TTC39C: variants seen among roughly 807,000 people sequenced by gnomAD.
TTC39C encodes tetratricopeptide repeat domain 39C.
In TTC39C, 33 loss-of-function variants were observed where a neutral mutation model predicts 76.3. The ratio of observed to expected loss-of-function variants is 0.43; its 90% CI spans 0.33 to 0.58. The LOEUF (loss-of-function observed/expected upper bound fraction) is 0.58. Ranked by LOEUF, TTC39C falls within the 20% of genes least tolerant of loss-of-function variation. TTC39C has a pLI of 0.04. For synonymous variants in TTC39C, 254 were observed against 260.6 expected (o/e 0.97, Z 0.24); for missense variants, 595 against 701.4 (o/e 0.85, Z 1.71).
At chr18:24,093,092 T>C (rs1222889709) in intron 6 of TTC39C, among the ~76,000 whole-genome samples, 1 of 152,246 alleles carries the variant, frequency 6.6e-6, no homozygotes, top group East Asian at 1.9e-4. Flanking sequence ...ATAGCTATAA[T>C]ATTACTCTAT....
chr18:24,070,117 G>A (rs1306104631), intron 4 of TTC39C, among the ~76,000 whole-genome samples: 3 of 151,730 alleles, frequency 2.0e-5, no homozygotes, highest in Non-Finnish European at 2.9e-5. Context: ...CCTTTTTCTT[G>A]TTTCTCTTGC....
chr18:24,041,374 C>G (rs2083790175), intron 1 of TTC39C, among the ~76,000 whole-genome samples: 1 of 152,186 alleles, frequency 6.6e-6, no homozygotes, highest in Non-Finnish European at 1.5e-5. Context: ...CACCTTGCAG[C>G]AAGCTTGTGT....
At chr18:24,008,715 T>C (rs1370404883) in intron 1 of TTC39C, among the ~76,000 whole-genome samples, 1 of 152,188 alleles carries the variant, frequency 6.6e-6, no homozygotes, top group South Asian at 2.1e-4. Context: ...CGTTCTGTCA[T>C]AAAGACGCAT....
chr18:24,048,440 C>A (rs1287516850), intron 1 of TTC39C, among the ~76,000 whole-genome samples: 1 of 152,158 alleles, frequency 6.6e-6, no homozygotes, highest in Non-Finnish European at 1.5e-5. Flanking sequence ...TTATGCCCTG[C>A]CTTTTTTTGC....
rs1044972521 is a variant in TTC39C, at chr18:24,066,032, G to A, written c.237G>A (p.Glu79=). The change falls in exon 3 of 14, where the codon GAG becomes GAA. Residue 79 remains glutamate (E), a synonymous_variant. Coordinates refer to ENST00000317571, the MANE Select transcript of TTC39C (RefSeq NM_001135993.2). ...VSFLNAMMTF[E]EEKMQLACDD... ...GGAAGAATGCCATGATGACATTTGAGGAAGAAAAAATGCAGTTGGCATGTG... is the reference window on the plus strand; with the variant it reads ...GGAAGAATGCCATGATGACATTTGAAGAAGAAAAAATGCAGTTGGCATGTG... 5 of 1,590,818 alleles carry A rather than the reference G, an allele frequency of 3.1e-6. No individual in the cohort carries two copies. Among genetic ancestry groups the A allele is most frequent in the East Asian group, 4.6e-5 (2 of 43,092 alleles).
At position 24,128,977 on chromosome 18, in the gene TTC39C, T is replaced by C; in HGVS notation, c.1512T>C (p.Ala504=). Residue 504 remains alanine (A), a synonymous_variant, in exon 11 of 14, where the codon GCT becomes GCC. Transcript: ENST00000317571. ...IHKCLGNSED[A]VQYFQRAVKD... is the part of the protein sequence containing the mutation. Reference sequence around the variant, plus strand: ...AATGTCTAGGAAACTCAGAAGATGCTGTTCAGGTAAACTGTTAATGTTGTC... The same window carrying C: ...AATGTCTAGGAAACTCAGAAGATGCCGTTCAGGTAAACTGTTAATGTTGTC... 6.2e-7 allele frequency: 1 copy of C among 1,613,050 alleles called. No homozygotes were observed. Among genetic ancestry groups the C allele is most frequent in the Non-Finnish European group, 8.5e-7 (1 of 1,179,460 alleles).
At chr18:24,043,882 A>G (rs1057418487) in intron 1 of TTC39C, among the ~76,000 whole-genome samples, 6 of 152,218 alleles carry the variant, frequency 3.9e-5, no homozygotes, top group African/African-American at 7.2e-5. Flanking sequence ...TTGCATCTGC[A>G]AAGGGTTTCT....
intron 1 of TTC39C, among the ~76,000 whole-genome samples, chr18:24,049,242 T>A (rs1568418867): frequency 2.0e-5 from 3 of 152,218 alleles, no homozygotes; most frequent in Admixed American, 6.5e-5. Flanking sequence ...TGGAAAAGAT[T>A]TTTGTTTATT....
intron 6 of TTC39C, chr18:24,099,408 T>G (rs11082935): frequency 0.56 from 85,188 of 151,390 alleles, 26,366 homozygotes; most frequent in Middle Eastern, 0.72. Flanking sequence ...ATGATCTGAT[T>G]ACCTCACAAA....
chr18:24,114,652 A>C lies in TTC39C; in HGVS notation c.1078+5A>C. On this transcript the variant is annotated splice_donor_5th_base_variant and intron_variant, in intron 7 of 13. Transcript: ENST00000317571. ...ATGTCTGTCTGTATGAAATTGGTAA[A>C]TATGAAATGTCTGTCCAGCCTCTTG... 2.5e-6 allele frequency: 4 copies of C among 1,600,328 alleles called. No homozygotes were observed. The highest frequency in any genetic ancestry group is 2.6e-6 in the Non-Finnish European group (3 of 1,167,870).
chr18:23,996,200 T>C (rs1411578359), intron 1 of TTC39C, among the ~76,000 whole-genome samples: 1 of 152,262 alleles, frequency 6.6e-6, no homozygotes, highest in African/African-American at 2.4e-5. Context: ...TTGCCATCTG[T>C]ATATCCTCTT....
At chr18:24,020,961 C>T (rs186592858) in intron 1 of TTC39C, among the ~76,000 whole-genome samples, 10 of 152,128 alleles carry the variant, frequency 6.6e-5, no homozygotes, top group East Asian at 1.9e-4. Flanking sequence ...TCTAGTTACA[C>T]GAAACCACTT....
chr18:24,104,730 A>ATGTGTG lies in TTC39C; in HGVS notation c.985-9815_985-9810dup, dbSNP rs150461313. 3.3e-5 allele frequency among the ~76,000 whole-genome samples: 4 copies of ATGTGTG among 121,018 alleles called. No individual in the cohort carries two copies. In the East Asian group the frequency reaches 7.9e-4, roughly 24 times the overall value. 79.4% of individuals were successfully genotyped at this position (121,018 alleles called of 152,430 possible). ...TGTGTGTGTGTGTGTGTGACTGTGC[A>ATGTGTG]TGTGTGTGTGTGTGATGAATGAATA... On this transcript the variant is annotated intron_variant, in intron 6 of 13. Coordinates refer to ENST00000317571, the MANE Select transcript of TTC39C (RefSeq NM_001135993.2).
At chr18:24,037,761 T>A (rs1266767432) in intron 1 of TTC39C, among the ~76,000 whole-genome samples, 2 of 152,168 alleles carry the variant, frequency 1.3e-5, no homozygotes, top group Non-Finnish European at 2.9e-5. Context: ...TGGAAGGTAG[T>A]AGTAAAGGGT....
chr18:24,021,149 G>A (rs73402238), intron 1 of TTC39C, among the ~76,000 whole-genome samples: 32,557 of 152,080 alleles, frequency 0.21, 4,224 homozygotes, highest in East Asian at 0.57. Flanking sequence ...AGAGTGTCAA[G>A]AAAGTACAGA....
chr18:24,123,409 G>C (rs1599348779), intron 8 of TTC39C, among the ~76,000 whole-genome samples: 1 of 137,652 alleles, frequency 7.3e-6, no homozygotes, highest in Admixed American at 7.5e-5. Flanking sequence ...TTGTTTGTTT[G>C]TTTGTTTGTT....
chr18:24,098,517 C>T (rs538947658), intron 6 of TTC39C, among the ~76,000 whole-genome samples: 1 of 62,004 alleles, frequency 1.6e-5, no homozygotes, highest in African/African-American at 7.7e-5. Flanking sequence ...TCTCCCCTCC[C>T]CTCCCGTCCC....
intron 6 of TTC39C, among the ~76,000 whole-genome samples, chr18:24,112,866 T>A (rs1284866955): frequency 6.6e-6 from 1 of 152,140 alleles, no homozygotes; most frequent in East Asian, 1.9e-4. Flanking sequence ...GAACTGTTGA[T>A]CCCAAAAGGG....
chr18:24,011,548 C>T (rs1437384070), upstream of TTC39C, among the ~76,000 whole-genome samples: 5 of 152,144 alleles, frequency 3.3e-5, no homozygotes, highest in South Asian at 2.1e-4. Flanking sequence ...AGGGATACAG[C>T]CTCATTTTGT....
Sources: allele counts gnomAD v4.1 joint callset (sites outside exome capture counted in the v4.1 genomes callset), GRCh38; gene constraint gnomAD v4.1.1; transcripts MANE v1.5; gene names NCBI Gene and HGNC (gene_info 2026-07-23, HGNC 2026-07-21).